The following MSH4 variants were observed in gnomAD, a reference collection of about 807,000 sequenced individuals.
MSH4 encodes the protein mutS homolog 4, also known as mutS protein homolog 4.
MSH4 carries 106 observed loss-of-function variants against 113.7 expected under a neutral mutation model. The observed-to-expected ratio is 0.93, with a 90% CI of 0.80 to 1.10. The LOEUF (loss-of-function observed/expected upper bound fraction) is 1.10, where lower values mean the gene tolerates loss of function less well. MSH4 is among the 50% of genes least tolerant of loss of function. The probability of loss-of-function intolerance (pLI) is 0.00; values close to 1 mark genes in which losing one functional copy is unlikely to be tolerated. For missense variants in MSH4, 1,061 were observed against 1,093.7 expected (o/e 0.97, Z 0.42); for synonymous variants, 368 against 380.2 (o/e 0.97, Z 0.37).
chr1:75,905,999 TA>T (rs1216297662), intron 19 of MSH4, among the ~76,000 whole-genome samples: 1 of 152,078 alleles, frequency 6.6e-6, no homozygotes, highest in Non-Finnish European at 1.5e-5. Flanking sequence ...TTATTTCTTT[TA>T]TTTTTTTTGA....
chr1:75,910,273 T>A (rs371240343), intron 19 of MSH4, among the ~76,000 whole-genome samples: 6 of 152,134 alleles, frequency 3.9e-5, no homozygotes, highest in African/African-American at 1.4e-4. Flanking sequence ...TCACTTCTGA[T>A]CTTCCATGAT....
chr1:75,821,869 G>C (rs997596457), intron 6 of MSH4, among the ~76,000 whole-genome samples: 3 of 152,120 alleles, frequency 2.0e-5, no homozygotes, highest in South Asian at 2.1e-4. Context: ...TGGCCTCCCA[G>C]AGTGTTGTTG....
intron 8 of MSH4, among the ~76,000 whole-genome samples, chr1:75,866,568 C>T (rs971328057): frequency 4.6e-5 from 7 of 152,252 alleles, no homozygotes; most frequent in East Asian, 1.9e-4. Context: ...TGTAAGAGAA[C>T]ATGACATAAC....
intron 11 of MSH4, 144 bp from the exon 12 acceptor site, chr1:75,878,848 A>G: frequency 1.4e-6 from 1 of 699,198 alleles, no homozygotes; most frequent in South Asian, 2.1e-5. Flanking sequence ...AAAAATTATT[A>G]GAGTTTGAAA....
At chr1:75,875,020 G>A (rs1651787065) in intron 9 of MSH4, among the ~76,000 whole-genome samples, 1 of 152,148 alleles carries the variant, frequency 6.6e-6, no homozygotes, top group Non-Finnish European at 1.5e-5. Flanking sequence ...AGCCTCCTGA[G>A]TAGCTGGGAC....
intron 19 of MSH4, among the ~76,000 whole-genome samples, chr1:75,901,360 C>T (rs192232041): frequency 3.7e-4 from 57 of 152,222 alleles, no homozygotes; most frequent in Non-Finnish European, 1.5e-5. Context: ...AGCTCTTCAC[C>T]TCCATGAGAT....
chr1:75,909,259 C>T (rs1380588564), intron 19 of MSH4, among the ~76,000 whole-genome samples: 2 of 152,114 alleles, frequency 1.3e-5, no homozygotes, highest in Non-Finnish European at 1.5e-5. Context: ...GATTGGGGCA[C>T]GGACATTGCA....
intron 17 of MSH4, 82 bp downstream of exon 17, chr1:75,890,906 C>T: frequency 8.3e-7 from 1 of 1,209,190 alleles, no homozygotes; most frequent in Non-Finnish European, 1.2e-6. Context: ...TGGACACCCA[C>T]AAATAGCTTT....
chr1:75,820,971 C>T (rs1326570497), intron 6 of MSH4, among the ~76,000 whole-genome samples: 2 of 151,540 alleles, frequency 1.3e-5, no homozygotes, highest in East Asian at 1.9e-4. Flanking sequence ...CTTTAACACC[C>T]CACTGTCAAC....
intron 8 of MSH4, among the ~76,000 whole-genome samples, chr1:75,853,142 GCAACCTCCA>G (rs1224141588): frequency 6.6e-6 from 1 of 152,036 alleles, no homozygotes; most frequent in Non-Finnish European, 1.5e-5. Flanking sequence ...TCGGCTCACT[GCAACCTCCA>G]CCTCCCAGGT....
At chr1:75,852,428 CTA>C (rs1475053155) in intron 8 of MSH4, among the ~76,000 whole-genome samples, 1 of 152,088 alleles carries the variant, frequency 6.6e-6, no homozygotes, top group African/African-American at 2.4e-5. Context: ...TGTGATAACT[CTA>C]TGTTTAATAA....
At chr1:75,835,316 T>G (rs1290109756) in intron 7 of MSH4, among the ~76,000 whole-genome samples, 4 of 152,208 alleles carry the variant, frequency 2.6e-5, no homozygotes, top group Admixed American at 2.6e-4. Context: ...ATATGTATAT[T>G]CCTGTGTATT....
rs576456215 is a variant in MSH4 at position 75,874,529 on chromosome 1, G to A, written c.1306-2407G>A. 6.3e-4 allele frequency among the ~76,000 whole-genome samples: 96 copies of A among 152,080 alleles called. No homozygotes were observed. The Middle Eastern group carries it at 0.014, about 22-fold the overall frequency. ...ATAGACAGGGGTCTCGCTATGTTAC[G>A]CAGGCTGGTCTTGAACTCCTGGGCT... On this transcript the variant is annotated intron_variant, in intron 9 of 19. Coordinates refer to ENST00000263187, the MANE Select transcript of MSH4 (RefSeq NM_002440.4).
chr1:75,833,854 C>T (rs918997039), intron 7 of MSH4, among the ~76,000 whole-genome samples: 1 of 152,136 alleles, frequency 6.6e-6, no homozygotes, highest in African/African-American at 2.4e-5. Context: ...TAAGCAATAC[C>T]ATTCAGGTCA....
chr1:75,889,803 T>A (rs1385819174), intron 16 of MSH4, among the ~76,000 whole-genome samples: 1 of 152,090 alleles, frequency 6.6e-6, no homozygotes, highest in African/African-American at 2.4e-5. Flanking sequence ...GTATCACCTA[T>A]TTCTGATTGA....
At chr1:75,822,314 T>G in intron 6 of MSH4, 95 bp from the exon 7 acceptor site, 1 of 751,694 alleles carries the variant, frequency 1.3e-6, no homozygotes, top group Non-Finnish European at 2.1e-6. Flanking sequence ...AAAGAATCAT[T>G]GCTGTAGATT....
rs1649830917 is a variant in MSH4, at chr1:75,797,088, CTCCA to C, written c.104_107del (p.Leu35ArgfsTer123). 2 of 1,614,060 alleles carry C rather than the reference CTCCA, an allele frequency of 1.2e-6. No individual in the cohort carries two copies. Among genetic ancestry groups the C allele is most frequent in the Non-Finnish European group, 1.7e-6 (2 of 1,179,928 alleles). ...TCAGGGTCCCCGCTACAATTTCGGA[CTCCA>C]GGAGACTCCACAGAGCCGCCCTTCG... On this transcript the variant is annotated frameshift_variant, in exon 1 of 20. Coordinates refer to ENST00000263187, the MANE Select transcript of MSH4 (RefSeq NM_002440.4). LOFTEE classifies it high-confidence loss of function.
At chr1:75,834,912 T>TA (rs2100534073) in intron 7 of MSH4, among the ~76,000 whole-genome samples, 1 of 152,318 alleles carries the variant, frequency 6.6e-6, no homozygotes, top group Admixed American at 6.5e-5. Context: ...CCCTAGAACT[T>TA]AAAGTATAAT....
chr1:75,811,191 A>T (rs989024040), intron 4 of MSH4, among the ~76,000 whole-genome samples: 1 of 152,278 alleles, frequency 6.6e-6, no homozygotes, highest in East Asian at 1.9e-4. Flanking sequence ...CACTTTATTT[A>T]AAATTTACTT....
Sources: gnomAD v4.1 joint callset for allele counts (sites outside exome capture counted in the v4.1 genomes callset) on GRCh38, gnomAD v4.1.1 for gene constraint, MANE v1.5 for transcripts, NCBI Gene and HGNC (gene_info 2026-07-23, HGNC 2026-07-21) for gene names.